The following MYOM1 variants were observed in gnomAD, a reference collection of about 807,000 sequenced individuals.
The protein encoded by MYOM1 is myomesin-1.
In MYOM1, 164 loss-of-function variants were observed where a neutral mutation model predicts 205.3. That is an observed-to-expected ratio of 0.80 (90% CI 0.70 to 0.91). MYOM1 has a LOEUF of 0.91. Ranked by LOEUF, MYOM1 falls within the 40% of genes least tolerant of loss-of-function variation. MYOM1 has a pLI of 0.00. For missense variants in MYOM1, 2,011 were observed against 2,127.3 expected (o/e 0.95, Z 1.08); for synonymous variants, 772 against 789.4 (o/e 0.98, Z 0.37).
the MYOM1 span, among the ~76,000 whole-genome samples, chr18:3,231,684 C>G: frequency 6.6e-6 from 1 of 151,736 alleles, no homozygotes. Context: ...GAATTAACTA[C>G]AGGTGCGTGC....
chr18:3,102,458 T>A lies in MYOM1; in HGVS notation c.3575+16A>T. 1.3e-6 allele frequency: 2 copies of A among 1,583,282 alleles called. No individual in the cohort carries two copies. Among genetic ancestry groups the A allele is most frequent in the Non-Finnish European group, 1.7e-6 (2 of 1,163,250 alleles). ...GTGAAAAGGAAACCCATGATTGTGA[T>A]TGACATAGTCCTTACTTGTTGCCCT... On this transcript the variant is annotated intron_variant, in intron 23 of 37. Transcript: ENST00000356443.
At chr18:3,180,978 G>C (rs2080721338) in intron 5 of MYOM1, among the ~76,000 whole-genome samples, 1 of 149,112 alleles carries the variant, frequency 6.7e-6, no homozygotes. Context: ...CCAGGCTGAA[G>C]AGCAGTGGCA....
At chr18:3,229,917 A>G in the MYOM1 span, among the ~76,000 whole-genome samples, 2 of 139,800 alleles carry the variant, frequency 1.4e-5, no homozygotes, top group African/African-American at 2.6e-5. Flanking sequence ...CGGAGGTTGC[A>G]GTGAGCCGAG....
intron 8 of MYOM1, among the ~76,000 whole-genome samples, chr18:3,169,454 C>G (rs946013654): frequency 6.6e-6 from 1 of 151,994 alleles, no homozygotes; most frequent in African/African-American, 2.4e-5. Flanking sequence ...TCAAAGTACT[C>G]AATAGCAAAA....
At chr18:3,080,438 C>G (rs56778803) in intron 33 of MYOM1, among the ~76,000 whole-genome samples, 4 of 151,874 alleles carry the variant, frequency 2.6e-5, no homozygotes, top group Non-Finnish European at 5.9e-5. Context: ...CTTTGGGAAG[C>G]GGAGGCAGGC....
At chr18:3,170,189 A>C (rs967587092) in intron 8 of MYOM1, among the ~76,000 whole-genome samples, 4 of 152,222 alleles carry the variant, frequency 2.6e-5, no homozygotes, top group Non-Finnish European at 5.9e-5. Flanking sequence ...TAATGGGTAC[A>C]AAAATACAAT....
In MYOM1 at chr18:3,176,097, G is replaced by T. The variant is rs1187039292; in HGVS notation, c.967C>A (p.Pro323Thr). ...CGACTCTCAATAATATACTTTCCAGGGTTTGCATGGACATTTATTGGCACC... is the reference window on the plus strand; with the variant it reads ...CGACTCTCAATAATATACTTTCCAGTGTTTGCATGGACATTTATTGGCACC... ...NQVPINVHAN[P>T]GKYIIESRYG... The change falls in exon 6 of 38, where the codon CCT becomes ACT. Residue 323 changes from proline (P) to threonine (T), a missense_variant. Physicochemically the swap from Pro to Thr is conservative, Grantham distance 38. Coordinates refer to ENST00000356443, the MANE Select transcript of MYOM1 (RefSeq NM_003803.4). 6.2e-7 allele frequency: 1 copy of T among 1,608,648 alleles called. No individual in the cohort carries two copies.
At chr18:3,082,154 T>G (rs1435263222) in intron 33 of MYOM1, among the ~76,000 whole-genome samples, 1 of 152,196 alleles carries the variant, frequency 6.6e-6, no homozygotes. Context: ...GGAGCTCAGG[T>G]GGTCATGCTC....
In MYOM1 at chr18:3,152,786, G is replaced by A. The variant is rs754449881; in HGVS notation, c.1644-893C>T. On this transcript the variant is annotated intron_variant, in intron 11 of 37. Coordinates refer to ENST00000356443, the MANE Select transcript of MYOM1 (RefSeq NM_003803.4). The surrounding 1 kb of genome is among the most constrained non-coding windows in gnomAD (Gnocchi z 4.3). Reference sequence around the variant, plus strand: ...TAATTCCCAAATGATTCTCAGGGGCGTGGGGGTTGCCAGTGGCAGGACAGA... The same window carrying A: ...TAATTCCCAAATGATTCTCAGGGGCATGGGGGTTGCCAGTGGCAGGACAGA... Among the ~76,000 whole-genome samples, 14 of 152,164 alleles carry A rather than the reference G, an allele frequency of 9.2e-5. No individual in the cohort carries two copies. The highest frequency in any genetic ancestry group is 1.9e-4 in the East Asian group (1 of 5,204).
the MYOM1 span, among the ~76,000 whole-genome samples, chr18:3,232,216 G>A: frequency 6.6e-6 from 1 of 151,808 alleles, no homozygotes; most frequent in African/African-American, 2.4e-5. Context: ...TGTAATCCCA[G>A]CTACTCGAGA....
intron 2 of MYOM1, among the ~76,000 whole-genome samples, chr18:3,213,565 G>T (rs774703811): frequency 2.0e-5 from 3 of 152,156 alleles, no homozygotes; most frequent in Non-Finnish European, 1.5e-5. Flanking sequence ...ACATTCATCA[G>T]GCTGAAACAG....
At chr18:3,214,305 T>C (rs1372372191) in intron 2 of MYOM1, among the ~76,000 whole-genome samples, 1 of 152,224 alleles carries the variant, frequency 6.6e-6, no homozygotes, top group Non-Finnish European at 1.5e-5. Flanking sequence ...AATACTGAAA[T>C]GATCTTTTCT....
chr18:3,141,819 T>G, intron 14 of MYOM1, 120 bp downstream of exon 14: 8 of 1,227,618 alleles, frequency 6.5e-6, no homozygotes, highest in East Asian at 2.4e-5. Flanking sequence ...AACAATCTAG[T>G]GAGATCAGGA....
At chr18:3,076,286 T>C (rs566077051) in intron 34 of MYOM1, among the ~76,000 whole-genome samples, 1 of 152,256 alleles carries the variant, frequency 6.6e-6, no homozygotes, top group South Asian at 2.1e-4. Flanking sequence ...CAGGGTGGTC[T>C]CAAACTCCTG....
At chr18:3,104,885 C>A (rs1050447259) in intron 22 of MYOM1, among the ~76,000 whole-genome samples, 1 of 150,060 alleles carries the variant, frequency 6.7e-6, no homozygotes, top group African/African-American at 2.5e-5. Context: ...TAGCTGGGAT[C>A]ACAGGTGCAT....
Position 3,187,500 on chromosome 18 carries a change from C to T in MYOM1, c.909G>A (p.Trp303Ter). Residue 303 changes from tryptophan (W) to a stop codon, truncating the protein, a stop_gained, in exon 5 of 38, where the codon TGG (tryptophan) becomes TGA (stop). Coordinates refer to ENST00000356443, the MANE Select transcript of MYOM1 (RefSeq NM_003803.4). LOFTEE classifies it high-confidence loss of function. ...CATACCACGTGACACGAGGTTCTGG[C>T]CAGCCTGCTATGGAGCAATGCAATT... ...NVKLHCSIAG[W>*]PEPRVTWYKN... The T allele has an allele frequency of 6.2e-7, 1 of 1,613,612 alleles. No individual in the cohort carries two copies. Among genetic ancestry groups the T allele is most frequent in the Non-Finnish European group, 8.5e-7 (1 of 1,179,666 alleles).
intron 3 of MYOM1, among the ~76,000 whole-genome samples, chr18:3,191,065 A>G (rs1412314156): frequency 6.6e-5 from 10 of 152,198 alleles, no homozygotes; most frequent in South Asian, 4.1e-4. Flanking sequence ...CTTTAAGTAA[A>G]AGTCAGGATT....
intron 5 of MYOM1, among the ~76,000 whole-genome samples, chr18:3,177,445 CATT>C (rs138933689): frequency 0.018 from 2,503 of 139,208 alleles, 63 homozygotes; most frequent in East Asian, 0.1. Context: ...GAAGCAATAT[CATT>C]ATTATTATTA....
Position 3,193,359 on chromosome 18 carries a change from T to TACACACAC in MYOM1, c.431+458_431+459insGTGTGTGT, listed in dbSNP as rs536189289. ...ATATGTACATATACATATATATATA[T>TACACACAC]ATACACACACACACACACACACAAT... On this transcript the variant is annotated intron_variant, in intron 3 of 37. Transcript: ENST00000356443. Among the ~76,000 whole-genome samples, 2,213 of 119,110 alleles carry TACACACAC rather than the reference T, an allele frequency of 0.019. 99 individuals are homozygous for TACACACAC. In the East Asian group the frequency reaches 0.19, roughly 10 times the overall value. The allele number at this position is 119,110 out of a possible 152,430, so 78.1% of individuals were successfully genotyped here.
Sources: gnomAD v4.1 joint callset for allele counts (sites outside exome capture counted in the v4.1 genomes callset) on GRCh38, gnomAD v4.1.1 for gene constraint, Gnocchi (gnomAD v3.1) non-coding constraint, MANE v1.5 for transcripts, NCBI Gene and HGNC (gene_info 2026-07-23, HGNC 2026-07-21) for gene names.